FXYD6: variants seen among roughly 807,000 people sequenced by gnomAD.
FXYD6 encodes the protein FXYD domain containing ion transport regulator 6, also known as FXYD domain-containing ion transport regulator 6.
Under a neutral mutation model 16.7 loss-of-function variants are expected in FXYD6, and 7 were observed. That is an observed-to-expected ratio of 0.42 (90% CI 0.24 to 0.79). The LOEUF is 0.79. FXYD6 is among the 30% of genes least tolerant of loss of function. The pLI is 0.28. For missense variants in FXYD6, 111 were observed against 116.2 expected, an observed-to-expected ratio of 0.95 and a Z score of 0.21; for synonymous variants, 49 against 43.0, an observed-to-expected ratio of 1.14 and a Z score of -0.54.
At chr11:117,873,975 T>C (rs796453032) in intron 1 of FXYD6, among the ~76,000 whole-genome samples, 119 of 152,106 alleles carry the variant, frequency 7.8e-4, no homozygotes, top group African/African-American at 2.7e-3. Flanking sequence ...CAACCCACCA[T>C]CTCTGATGGT....
chr11:117,866,075 A>G (rs2155197), intron 1 of FXYD6, among the ~76,000 whole-genome samples: 73,756 of 151,762 alleles, frequency 0.49, 19,000 homozygotes, highest in East Asian at 0.72. Flanking sequence ...CACTCATATG[A>G]GGCACGTAGA....
chr11:117,858,680 TTTCTTTCTTTCTTTCTTTCTTTC>T (rs2056809565), intron 1 of FXYD6, among the ~76,000 whole-genome samples: 3 of 88,314 alleles, frequency 3.4e-5, no homozygotes, highest in African/African-American at 1.5e-4. Context: ...TCTTTCTTTC[TTTCTTTCTTTCTTTCTTTCTTTC>T]TCTCTCTCTC....
chr11:117,842,589 G>A, intron 2 of FXYD6, 130 bp downstream of exon 2: 3 of 894,798 alleles, frequency 3.4e-6, no homozygotes, highest in Non-Finnish European at 5.2e-6. Context: ...GAAGGGAGAG[G>A]CCCCTGACTA....
intron 4 of FXYD6, 139 bp downstream of exon 4, chr11:117,841,652 G>T: frequency 1.2e-6 from 1 of 851,150 alleles, no homozygotes; most frequent in Non-Finnish European, 1.9e-6. Context: ...GCACTCTACT[G>T]GGTCGTGAAG....
intron 1 of FXYD6, among the ~76,000 whole-genome samples, chr11:117,875,420 G>A (rs1040093980): frequency 6.6e-6 from 1 of 152,078 alleles, no homozygotes; most frequent in Non-Finnish European, 1.5e-5. Flanking sequence ...AACCATACTG[G>A]GGGGAGGGGA....
intron 1 of FXYD6, among the ~76,000 whole-genome samples, chr11:117,850,097 T>A (rs937134336): frequency 2.6e-5 from 4 of 152,168 alleles, no homozygotes; most frequent in African/African-American, 9.7e-5. Flanking sequence ...CCACTGCCAA[T>A]CACCTTTCCC....
intron 1 of FXYD6, among the ~76,000 whole-genome samples, chr11:117,864,572 G>GA (rs2056974413): frequency 6.6e-6 from 1 of 151,080 alleles, no homozygotes; most frequent in Admixed American, 6.6e-5. Context: ...GGCAACAAAA[G>GA]AAAAAAATAG....
chr11:117,841,446 T>C, intron 4 of FXYD6: 1 of 591,866 alleles, frequency 1.7e-6, no homozygotes, highest in Non-Finnish European at 3.0e-6. Context: ...CAGGCTCATG[T>C]GGGAACAACA....
chr11:117,841,939 G>A, intron 3 of FXYD6, 51 bp downstream of exon 3: 4 of 1,613,818 alleles, frequency 2.5e-6, no homozygotes, highest in Non-Finnish European at 3.4e-6. Context: ...CCTCCTGCCA[G>A]GCAGGGCTGC....
At chr11:117,853,407 C>T (rs1268478016) in intron 1 of FXYD6, among the ~76,000 whole-genome samples, 1 of 152,210 alleles carries the variant, frequency 6.6e-6, no homozygotes, top group Admixed American at 6.5e-5. Flanking sequence ...GATTAGCCTA[C>T]AGAATGCAGT....
intron 1 of FXYD6, among the ~76,000 whole-genome samples, chr11:117,868,283 T>TG (rs1565330459): frequency 6.6e-6 from 1 of 151,916 alleles, no homozygotes; most frequent in East Asian, 1.9e-4. Context: ...CTGTGCTGCG[T>TG]GGGGGGCATG....
chr11:117,858,604 G>T (rs967879906), intron 1 of FXYD6, among the ~76,000 whole-genome samples: 4 of 151,698 alleles, frequency 2.6e-5, no homozygotes, highest in Admixed American at 2.6e-4. Flanking sequence ...TTTGTAAAAC[G>T]GAGAGTCGAT....
intron 1 of FXYD6, among the ~76,000 whole-genome samples, chr11:117,853,520 T>C (rs757956553): frequency 2.0e-5 from 3 of 152,188 alleles, no homozygotes; most frequent in Non-Finnish European, 4.4e-5. Flanking sequence ...TTGTTTGAGA[T>C]AGAGTCTCAC....
chr11:117,851,611 A>G (rs916303528), intron 1 of FXYD6, among the ~76,000 whole-genome samples: 1 of 152,242 alleles, frequency 6.6e-6, no homozygotes, highest in Non-Finnish European at 1.5e-5. Flanking sequence ...ATGAATTTAC[A>G]ACATATGTAC....
intron 1 of FXYD6, among the ~76,000 whole-genome samples, chr11:117,863,666 G>C (rs2056955508): frequency 6.6e-6 from 1 of 152,174 alleles, no homozygotes; most frequent in African/African-American, 2.4e-5. Flanking sequence ...TGGAAAGGAA[G>C]AAGTAAAATG....
chr11:117,862,542 G>C (rs1008628585), intron 1 of FXYD6, among the ~76,000 whole-genome samples: 1 of 152,216 alleles, frequency 6.6e-6, no homozygotes. Flanking sequence ...GCTGGAAAGA[G>C]ACCAGGAGCT....
intron 1 of FXYD6, among the ~76,000 whole-genome samples, chr11:117,850,756 G>A (rs1228060994): frequency 6.6e-6 from 1 of 151,336 alleles, no homozygotes; most frequent in Admixed American, 6.6e-5. Context: ...GCCTCCCAAA[G>A]TGCTGGGATT....
At chr11:117,864,594 GT>G (rs201429159) in intron 1 of FXYD6, among the ~76,000 whole-genome samples, 4 of 149,112 alleles carry the variant, frequency 2.7e-5, no homozygotes, top group Admixed American at 6.7e-5. Flanking sequence ...CAAATTGCAC[GT>G]TTTTTTTTTG....
chr11:117,849,183 G>A (rs558680), intron 1 of FXYD6, among the ~76,000 whole-genome samples: 3,364 of 152,294 alleles, frequency 0.022, 54 homozygotes, highest in Middle Eastern at 0.037. Context: ...GGGGGTGAAA[G>A]TACTCCATCA....
Sources: allele counts gnomAD v4.1 joint callset (sites outside exome capture counted in the v4.1 genomes callset), GRCh38; gene constraint gnomAD v4.1.1; transcripts MANE v1.5; gene names NCBI Gene and HGNC (gene_info 2026-07-23, HGNC 2026-07-21).